PRKAR1A: variants seen among roughly 807,000 people sequenced by gnomAD.
The protein encoded by PRKAR1A is cAMP-dependent protein kinase type I-alpha regulatory subunit.
PRKAR1A carries 3 observed loss-of-function variants against 52.0 expected under a neutral mutation model. The observed-to-expected ratio is 0.06, with a 90% CI of 0.03 to 0.15. The LOEUF (loss-of-function observed/expected upper bound fraction) is 0.15. Ranked by LOEUF, PRKAR1A falls within the 10% of genes least tolerant of loss-of-function variation. PRKAR1A has a pLI of 1.00. For missense variants in PRKAR1A, 240 were observed against 477.4 expected (o/e 0.50, Z 4.63); for synonymous variants, 188 against 168.4 (o/e 1.12, Z -0.90).
the PRKAR1A span, among the ~76,000 whole-genome samples, chr17:68,488,346 T>C: frequency 6.6e-6 from 1 of 152,096 alleles, no homozygotes; most frequent in Non-Finnish European, 1.5e-5. Context: ...CTCTGTCCCA[T>C]ATATACAACC....
Position 68,532,813 on chromosome 17 carries a change from C to T in PRKAR1A, c.*2364C>T. On this transcript the variant is annotated 3_prime_UTR_variant, in exon 11 of 11. Transcript: ENST00000589228. ...CCTTTCTCCTTTCCGTCTTTCCTCT[C>T]TCTGTCCTTCCCCGAAAGTCTACTC... is the stretch of plus-strand genomic sequence containing the variant. 9.4e-7 allele frequency: 1 copy of T among 1,066,444 alleles called. No homozygotes were observed. Among genetic ancestry groups the T allele is most frequent in the Non-Finnish European group, 1.1e-6 (1 of 879,784 alleles). 66.1% of individuals were successfully genotyped at this position (1,066,444 alleles called of 1,614,324 possible).
chr17:68,471,633 T>C, the PRKAR1A span, among the ~76,000 whole-genome samples: 1 of 152,168 alleles, frequency 6.6e-6, no homozygotes, highest in Non-Finnish European at 1.5e-5. Flanking sequence ...AGGGGATTAC[T>C]GGGAGAGGGG....
Position 68,531,883 on chromosome 17 carries a change from T to C in PRKAR1A, c.*1434T>C. ...GCACTTTTATTTTCATTGTGATTTA[T>C]ATATAAGGTAATGTAGGGTTATATT... On this transcript the variant is annotated 3_prime_UTR_variant, in exon 11 of 11. Coordinates refer to ENST00000589228, the MANE Select transcript of PRKAR1A (RefSeq NM_002734.5). 3 of 1,045,740 alleles carry C rather than the reference T, an allele frequency of 2.9e-6. No individual in the cohort carries two copies. Among genetic ancestry groups the C allele is most frequent in the Non-Finnish European group, 3.5e-6 (3 of 861,064 alleles). The allele number at this position is 1,045,740 out of a possible 1,614,324, so 64.8% of individuals were successfully genotyped here.
the PRKAR1A span, chr17:68,421,876 G>T: frequency 6.2e-7 from 1 of 1,610,054 alleles, no homozygotes; most frequent in Non-Finnish European, 8.5e-7. Context: ...CTGGTAGGCA[G>T]GTGCATTATC....
the PRKAR1A span, among the ~76,000 whole-genome samples, chr17:68,436,685 C>T: frequency 6.6e-6 from 1 of 152,178 alleles, no homozygotes. Context: ...CCTGATTTAA[C>T]ACTGGCTGCG....
chr17:68,458,006 C>T, the PRKAR1A span, among the ~76,000 whole-genome samples: 1 of 152,202 alleles, frequency 6.6e-6, no homozygotes, highest in Non-Finnish European at 1.5e-5. Context: ...GCCCAGACCC[C>T]TTGCCATGTG....
chr17:68,510,575 A>G (rs570422401), upstream of PRKAR1A, among the ~76,000 whole-genome samples: 3 of 152,304 alleles, frequency 2.0e-5, no homozygotes, highest in South Asian at 6.2e-4. Context: ...TTCCCATAAC[A>G]TGACCGGGCC....
chr17:68,525,798 G>T lies in PRKAR1A; in HGVS notation c.594G>T (p.Gly198=), dbSNP rs1223896200. The T allele has an allele frequency of 6.2e-7, 1 of 1,613,854 alleles. No homozygotes were observed. The highest frequency in any genetic ancestry group is 8.5e-7 in the Non-Finnish European group (1 of 1,179,912). ...GGGCAACCAGTGTTGGGGAAGGAGG[G>T]AGCTTTGGAGAACTTGCTTTGATTT... The part of the protein sequence containing the change: ...NEWATSVGEG[G]SFGELALIYG... The change falls in exon 7 of 11, where the codon GGG becomes GGT. Residue 198 remains glycine, a synonymous_variant. Coordinates refer to ENST00000589228, the MANE Select transcript of PRKAR1A (RefSeq NM_002734.5).
Position 68,523,752 on chromosome 17 carries a change from G to A in PRKAR1A, c.376G>A (p.Ala126Thr), listed in dbSNP as rs2143288579. 3.1e-6 allele frequency: 5 copies of A among 1,613,596 alleles called. No homozygotes were observed. Among genetic ancestry groups the A allele is most frequent in the Admixed American group, 1.7e-5 (1 of 60,030 alleles). Residue 126 changes from alanine to threonine, a missense_variant, in exon 4 of 11, where the codon GCC becomes ACC. Ala to Thr is a moderately conservative substitution (Grantham distance 58, BLOSUM62 0). Transcript: ENST00000589228. ...KVIPKDYKTM[A>T]ALAKAIEKNV... ...TATACCAAAAGATTACAAGACAATG[G>A]CCGCTTTAGCCAAAGCCATTGAAAA...
At chr17:68,491,833 A>G in the PRKAR1A span, among the ~76,000 whole-genome samples, 2 of 152,348 alleles carry the variant, frequency 1.3e-5, no homozygotes, top group East Asian at 1.9e-4. Context: ...AAGGGCCAGA[A>G]GAAGGCCCTA....
the PRKAR1A span, among the ~76,000 whole-genome samples, chr17:68,502,857 T>C: frequency 6.6e-6 from 1 of 152,082 alleles, no homozygotes; most frequent in Non-Finnish European, 1.5e-5. Context: ...TCATCTATAT[T>C]AGCAACAGAT....
At chr17:68,469,174 C>A in the PRKAR1A span, among the ~76,000 whole-genome samples, 1 of 151,486 alleles carries the variant, frequency 6.6e-6, no homozygotes, top group African/African-American at 2.4e-5. Flanking sequence ...AAACAGGAAT[C>A]ACTCATTTTG....
chr17:68,491,094 CTT>C, the PRKAR1A span, among the ~76,000 whole-genome samples: 2 of 145,248 alleles, frequency 1.4e-5, no homozygotes. Context: ...TTCTTTCTTT[CTT>C]TTTTTTTTTT....
chr17:68,540,550 G>C (rs746180031), intron 11 of PRKAR1A: 13 of 517,498 alleles, frequency 2.5e-5, no homozygotes, highest in South Asian at 2.0e-4. Context: ...TTCCTACCTG[G>C]TTTCCCCTCA....
chr17:68,466,475 G>A, the PRKAR1A span, among the ~76,000 whole-genome samples: 7 of 145,384 alleles, frequency 4.8e-5, no homozygotes, highest in Non-Finnish European at 1.0e-4. Flanking sequence ...GCAGTGGTGC[G>A]ATCTCGGCTC....
chr17:68,487,801 G>GA, the PRKAR1A span, among the ~76,000 whole-genome samples: 226 of 122,344 alleles, frequency 1.8e-3, 1 homozygote, highest in African/African-American at 5.2e-3. Context: ...CCTCATCTCA[G>GA]ACAAAAAAAA....
the PRKAR1A span, chr17:68,457,479 C>G: frequency 3.0e-6 from 4 of 1,349,268 alleles, no homozygotes; most frequent in East Asian, 9.5e-5. Context: ...CTCAGCAGCC[C>G]GCCCGCGCCG....
chr17:68,429,925 G>GA, the PRKAR1A span: 1 of 1,599,430 alleles, frequency 6.3e-7, no homozygotes, highest in Non-Finnish European at 8.5e-7. Flanking sequence ...CAGGTTTGGG[G>GA]ATTTTTGTGC....
At chr17:68,452,576 G>C in the PRKAR1A span, among the ~76,000 whole-genome samples, 1,720 of 152,108 alleles carry the variant, frequency 0.011, 29 homozygotes, top group African/African-American at 0.039. Context: ...AAAAAAGAAA[G>C]AAAGAAAATG....
Sources: allele counts gnomAD v4.1 joint callset (sites outside exome capture counted in the v4.1 genomes callset), GRCh38; gene constraint gnomAD v4.1.1; transcripts MANE v1.5; gene names NCBI Gene and HGNC (gene_info 2026-07-23, HGNC 2026-07-21).